SUN5: variants seen among roughly 807,000 people sequenced by gnomAD.
SUN5 encodes SUN domain-containing protein 5.
Under a neutral mutation model 53.7 loss-of-function variants are expected in SUN5, and 44 were observed. The ratio of observed to expected loss-of-function variants is 0.82; its 90% CI spans 0.64 to 1.05. The LOEUF (loss-of-function observed/expected upper bound fraction) is 1.05. SUN5 is among the 50% of genes least tolerant of loss of function. The probability of loss-of-function intolerance (pLI) is 0.00; values close to 1 mark genes in which losing one functional copy is unlikely to be tolerated. For synonymous variants in SUN5, 166 were observed against 179.8 expected (o/e 0.92, Z 0.62); for missense variants, 433 against 483.8 (o/e 0.90, Z 0.98).
In SUN5 at chr20:33,002,573, C is replaced by A. The variant is rs555434899; in HGVS notation, c.211+14G>T. ...CATATTGATGACGAAGGTGATTATT[C>A]AGTATATACGTACACACACATCCCA... On this transcript the variant is annotated intron_variant, in intron 3 of 12. Transcript: ENST00000356173. The A allele has an allele frequency of 6.2e-7, 1 of 1,613,884 alleles. No homozygotes were observed. Among genetic ancestry groups the A allele is most frequent in the South Asian group, 1.1e-5 (1 of 91,064 alleles).
chr20:32,995,817 A>C, intron 7 of SUN5, 90 bp from the exon 8 acceptor site: 2 of 1,202,168 alleles, frequency 1.7e-6, no homozygotes, highest in Non-Finnish European at 2.5e-6. Context: ...TGGCTCTCAA[A>C]GAATGAGTTT....
chr20:33,001,080 T>C lies in SUN5; in HGVS notation c.278+132A>G, dbSNP rs916087351. 5.7e-6 allele frequency: 6 copies of C among 1,051,682 alleles called. No individual in the cohort carries two copies. The African/African-American group carries it at 7.9e-5, about 14-fold the overall frequency. 65.1% of individuals were successfully genotyped at this position (1,051,682 alleles called of 1,614,324 possible). A position where few individuals can be genotyped will look rare whatever the true frequency, so the allele number is the denominator to read the frequency against. On this transcript the variant is annotated intron_variant, in intron 4 of 12. Coordinates refer to ENST00000356173, the MANE Select transcript of SUN5 (RefSeq NM_080675.4). ...TGGGTTCTGGGGTGGGAGTGTTTGATAAAAGCCAGGTTTGGGATAGCTTTT... is the reference window on the plus strand; with the variant it reads ...TGGGTTCTGGGGTGGGAGTGTTTGACAAAAGCCAGGTTTGGGATAGCTTTT...
chr20:32,986,753 G>T (rs1164286237), intron 10 of SUN5, among the ~76,000 whole-genome samples: 3 of 152,164 alleles, frequency 2.0e-5, no homozygotes, highest in Non-Finnish European at 4.4e-5. Flanking sequence ...TTTCACTACT[G>T]CTCCAAACCT....
intron 8 of SUN5, among the ~76,000 whole-genome samples, 156 bp from the exon 9 acceptor site, chr20:32,989,854 G>A (rs1452576346): frequency 6.6e-6 from 1 of 152,246 alleles, no homozygotes; most frequent in East Asian, 1.9e-4. Flanking sequence ...GAAAGCCCAG[G>A]TGACACAAAG....
At chr20:32,988,911 T>A (rs1017905833) in intron 9 of SUN5, among the ~76,000 whole-genome samples, 15 of 149,704 alleles carry the variant, frequency 1.0e-4, no homozygotes, top group Admixed American at 6.7e-4. Flanking sequence ...TTCTTTTTTT[T>A]ATTATTATTA....
At chr20:32,984,947 C>T in intron 12 of SUN5, 152 bp downstream of exon 12, 1 of 764,132 alleles carries the variant, frequency 1.3e-6, no homozygotes. Context: ...GCGGCTCCTA[C>T]TCTCTGAGCC....
chr20:32,997,804 A>G, intron 5 of SUN5, 117 bp from the exon 6 acceptor site: 4 of 1,003,996 alleles, frequency 4.0e-6, no homozygotes, highest in Non-Finnish European at 6.0e-6. Flanking sequence ...GCATTGTGCA[A>G]CACTGGGGGA....
At chr20:33,003,548 A>T (rs1990110916) in intron 1 of SUN5, among the ~76,000 whole-genome samples, 1 of 152,084 alleles carries the variant, frequency 6.6e-6, no homozygotes. Flanking sequence ...AGCCCCCTGC[A>T]CCTTGGGACC....
At position 32,985,857 on chromosome 20, in the gene SUN5, C is replaced by A. The variant is rs1316606431; in HGVS notation, c.776G>T (p.Gly259Val). The A allele has an allele frequency of 6.2e-7, 1 of 1,613,932 alleles. No homozygotes were observed. The highest frequency in any genetic ancestry group is 8.5e-7 in the Non-Finnish European group (1 of 1,179,976). The change falls in exon 11 of 13, where the codon GGC becomes GTC. Residue 259 changes from glycine to valine, a missense_variant. Physicochemically the swap from Gly to Val is moderately radical, Grantham distance 109 (BLOSUM62 -3). Transcript: ENST00000356173. ...GNCWAFEGDR[G>V]QVTIQLAQKV... is the part of the protein sequence containing the mutation. ...CTGAGCCAATTGGATGGTCACCTGG[C>A]CGCGGTCACCCTCAAAGGCCCAGCA... is the stretch of plus-strand genomic sequence containing the variant.
Position 33,004,395 on chromosome 20 carries a change from G to A in SUN5, c.-55C>T, listed in dbSNP as rs1252502282. 3.3e-6 allele frequency: 5 copies of A among 1,512,916 alleles called. No individual in the cohort carries two copies. The African/African-American group carries it at 7.0e-5, about 21-fold the overall frequency. The allele number at this position is 1,512,916 out of a possible 1,614,324, so 93.7% of individuals were successfully genotyped here. ...GATGGGAACTCTGGGAGCTGGTGAG[G>A]AGGAAGGGGCTGATGCCTCTGAATG... On this transcript the variant is annotated 5_prime_UTR_variant, in exon 1 of 13. Coordinates refer to ENST00000356173, the MANE Select transcript of SUN5 (RefSeq NM_080675.4).
chr20:33,001,826 G>A (rs529786964), intron 3 of SUN5, among the ~76,000 whole-genome samples: 289 of 151,914 alleles, frequency 1.9e-3, no homozygotes, highest in Non-Finnish European at 3.4e-3. Context: ...GTGCCACCAC[G>A]CCCGGCTAAT....
At chr20:33,001,113 G>T in intron 4 of SUN5, 99 bp downstream of exon 4, 1 of 1,366,092 alleles carries the variant, frequency 7.3e-7, no homozygotes, top group South Asian at 1.3e-5. Flanking sequence ...TTTCTGGTCT[G>T]GCTACCAAGG....
Position 32,993,051 on chromosome 20 carries a change from CA to C in SUN5, c.534+2567del, listed in dbSNP as rs1444203868. ...TTCCACTCCTAGTTATATCTACCGC[CA>C]AGATCAATAAGTATATATGTTCACC... On this transcript the variant is annotated intron_variant, in intron 8 of 12. Transcript: ENST00000356173. 8.5e-5 allele frequency among the ~76,000 whole-genome samples: 13 copies of C among 152,064 alleles called. No individual in the cohort carries two copies. The East Asian group carries it at 2.5e-3, about 29-fold the overall frequency.
intron 9 of SUN5, 33 bp downstream of exon 9, chr20:32,989,587 G>A (rs776083094): frequency 2.5e-6 from 4 of 1,597,786 alleles, no homozygotes; most frequent in Non-Finnish European, 3.4e-6. Flanking sequence ...GGACACTTGA[G>A]GCAGTCAGAT....
At chr20:32,987,525 C>T (rs1989576429) in intron 10 of SUN5, 135 bp downstream of exon 10, 1 of 678,562 alleles carries the variant, frequency 1.5e-6, no homozygotes, top group Admixed American at 2.6e-5. Flanking sequence ...CATCTGTCTC[C>T]TGCTCCTACC....
At chr20:33,000,843 T>TAA (rs538864856) in intron 4 of SUN5, among the ~76,000 whole-genome samples, 6 of 107,274 alleles carry the variant, frequency 5.6e-5, no homozygotes, top group African/African-American at 6.5e-5. Flanking sequence ...AAACCCTGTC[T>TAA]AAAAAAAAAA....
intron 5 of SUN5, 24 bp downstream of exon 5, chr20:33,000,050 A>T (rs773656985): frequency 6.2e-7 from 1 of 1,604,510 alleles, no homozygotes; most frequent in Non-Finnish European, 8.5e-7. Context: ...TCCACCTGGG[A>T]CTGGGCAGGG....
At chr20:32,987,877 T>G in intron 9 of SUN5, 102 bp from the exon 10 acceptor site, 1 of 821,030 alleles carries the variant, frequency 1.2e-6, no homozygotes, top group East Asian at 2.7e-5. Context: ...GCATTTTGGA[T>G]GAGTCACTGG....
chr20:33,001,394 C>T, intron 3 of SUN5, 116 bp from the exon 4 acceptor site: 1 of 1,179,586 alleles, frequency 8.5e-7, no homozygotes, highest in East Asian at 2.6e-5. Context: ...ACCCTCTCGA[C>T]TTGTTGGCCG....
Sources: allele counts gnomAD v4.1 joint callset (sites outside exome capture counted in the v4.1 genomes callset), GRCh38; gene constraint gnomAD v4.1.1; transcripts MANE v1.5; gene names NCBI Gene and HGNC (gene_info 2026-07-23, HGNC 2026-07-21).